The following LYPLAL1 variants were observed in gnomAD, a reference collection of about 807,000 sequenced individuals.
The protein encoded by LYPLAL1 is lysophospholipase like 1, also known as lysophospholipase-like protein 1.
A neutral mutation model predicts 19.7 loss-of-function variants in LYPLAL1; 23 were observed. The observed-to-expected ratio is 1.17, with a 90% CI of 0.84 to 1.65. The LOEUF is 1.65. Ranked by LOEUF, LYPLAL1 falls within the 40% of genes most tolerant of loss-of-function variation. The pLI, the probability that LYPLAL1 is intolerant of heterozygous loss-of-function variation, is 0.00. For synonymous variants in LYPLAL1, 119 were observed against 96.3 expected (o/e 1.24, Z -1.38); for missense variants, 355 against 279.4 (o/e 1.27, Z -1.93).
chr1:219,372,341 C>G, the LYPLAL1 span, among the ~76,000 whole-genome samples: 1 of 152,158 alleles, frequency 6.6e-6, no homozygotes, highest in South Asian at 2.1e-4. Flanking sequence ...ATTTTAGAAC[C>G]TCTAAAATGT....
the LYPLAL1 span, among the ~76,000 whole-genome samples, chr1:219,276,700 C>T: frequency 6.6e-6 from 1 of 152,136 alleles, no homozygotes; most frequent in Non-Finnish European, 1.5e-5. Context: ...GATCATGTTG[C>T]ATACTGGATG....
the LYPLAL1 span, among the ~76,000 whole-genome samples, chr1:219,435,762 G>A: frequency 6.6e-6 from 1 of 151,922 alleles, no homozygotes; most frequent in Admixed American, 6.6e-5. Context: ...GGAGGTGGAG[G>A]TTGCAGTGAG....
At chr1:219,332,833 C>G in the LYPLAL1 span, among the ~76,000 whole-genome samples, 40 of 144,710 alleles carry the variant, frequency 2.8e-4, no homozygotes, top group Non-Finnish European at 4.9e-4. Flanking sequence ...CCCCCCCCCC[C>G]CAAATTAAAC....
At chr1:219,416,013 T>A in the LYPLAL1 span, among the ~76,000 whole-genome samples, 17 of 152,188 alleles carry the variant, frequency 1.1e-4, no homozygotes, top group Non-Finnish European at 1.8e-4. Context: ...TTTTTTAAAA[T>A]AAAATTTTGA....
the LYPLAL1 span, among the ~76,000 whole-genome samples, chr1:219,226,757 C>A: frequency 6.6e-6 from 1 of 152,210 alleles, no homozygotes; most frequent in East Asian, 1.9e-4. Flanking sequence ...TATTTTGCCT[C>A]ATTTTCTTTA....
At chr1:219,371,789 TGCAGCA>T in the LYPLAL1 span, among the ~76,000 whole-genome samples, 1 of 152,246 alleles carries the variant, frequency 6.6e-6, no homozygotes, top group Non-Finnish European at 1.5e-5. Flanking sequence ...TCTTTTACTA[TGCAGCA>T]GCACTAGAGT....
the LYPLAL1 span, among the ~76,000 whole-genome samples, chr1:219,323,850 C>T: frequency 1.3e-5 from 2 of 152,054 alleles, no homozygotes; most frequent in South Asian, 4.1e-4. Flanking sequence ...AAGAAATATA[C>T]ACACACATGC....
At chr1:219,441,316 C>A in the LYPLAL1 span, among the ~76,000 whole-genome samples, 4 of 152,054 alleles carry the variant, frequency 2.6e-5, no homozygotes, top group African/African-American at 9.7e-5. Flanking sequence ...TGATATTGTG[C>A]TCATTCGTAA....
chr1:219,210,867 CA>C (rs1658975540), intron 4 of LYPLAL1, among the ~76,000 whole-genome samples: 1 of 151,916 alleles, frequency 6.6e-6, no homozygotes, highest in Non-Finnish European at 1.5e-5. Context: ...TATTGTTAAG[CA>C]AAATGTCAAG....
chr1:219,363,961 A>C, the LYPLAL1 span, among the ~76,000 whole-genome samples: 7 of 152,174 alleles, frequency 4.6e-5, no homozygotes, highest in Non-Finnish European at 1.0e-4. Flanking sequence ...GATTCTATGC[A>C]GTGAGCCACA....
At chr1:219,210,154 G>A (rs1658892692) in intron 3 of LYPLAL1, among the ~76,000 whole-genome samples, 2 of 152,092 alleles carry the variant, frequency 1.3e-5, no homozygotes, top group Non-Finnish European at 2.9e-5. Context: ...ACAAAAAGGT[G>A]CAAATTATTA....
At chr1:219,231,149 A>G in the LYPLAL1 span, among the ~76,000 whole-genome samples, 2 of 152,232 alleles carry the variant, frequency 1.3e-5, no homozygotes, top group East Asian at 1.9e-4. Flanking sequence ...AATTTTAAGT[A>G]AATCATCTTT....
chr1:219,196,180 G>A (rs1044648756), intron 3 of LYPLAL1, among the ~76,000 whole-genome samples: 2 of 152,020 alleles, frequency 1.3e-5, no homozygotes, highest in Admixed American at 6.6e-5. Context: ...ATATTCCTTT[G>A]GGTGTATACC....
the LYPLAL1 span, among the ~76,000 whole-genome samples, chr1:219,432,848 C>T: frequency 6.6e-6 from 1 of 152,188 alleles, no homozygotes; most frequent in Non-Finnish European, 1.5e-5. Context: ...TACTTCAGCC[C>T]ACTGCATCTT....
At chr1:219,368,963 T>C in the LYPLAL1 span, among the ~76,000 whole-genome samples, 1 of 152,252 alleles carries the variant, frequency 6.6e-6, no homozygotes, top group African/African-American at 2.4e-5. Context: ...TGTTCCTTCT[T>C]TATTTATATT....
the LYPLAL1 span, among the ~76,000 whole-genome samples, chr1:219,394,529 C>G: frequency 1.4e-4 from 22 of 152,324 alleles, no homozygotes; most frequent in African/African-American, 5.1e-4. Flanking sequence ...ATTCTACTTT[C>G]TGTCTCTGTG....
the LYPLAL1 span, among the ~76,000 whole-genome samples, chr1:219,405,817 G>T: frequency 6.6e-6 from 1 of 152,184 alleles, no homozygotes; most frequent in Non-Finnish European, 1.5e-5. Context: ...AGGAGGGTCA[G>T]AGCCTGCCCT....
chr1:219,239,040 A>T, the LYPLAL1 span, among the ~76,000 whole-genome samples: 1 of 152,200 alleles, frequency 6.6e-6, no homozygotes, highest in Non-Finnish European at 1.5e-5. Context: ...TTTGTGCATC[A>T]GGATAATTAC....
chr1:219,350,078 A>G, the LYPLAL1 span, among the ~76,000 whole-genome samples: 1 of 152,202 alleles, frequency 6.6e-6, no homozygotes, highest in Non-Finnish European at 1.5e-5. Context: ...CAGAATTTTA[A>G]CCTGTAAACT....
Sources: allele counts gnomAD v4.1 joint callset (sites outside exome capture counted in the v4.1 genomes callset), GRCh38; gene constraint gnomAD v4.1.1; transcripts MANE v1.5; gene names NCBI Gene and HGNC (gene_info 2026-07-23, HGNC 2026-07-21).